TRPM7: variants seen among roughly 807,000 people sequenced by gnomAD.
TRPM7 encodes the protein LTRPC ion channel family member 7.
In TRPM7, 134 loss-of-function variants were observed where a neutral mutation model predicts 229.7. That is an observed-to-expected ratio of 0.58 (90% CI 0.51 to 0.67). The LOEUF (loss-of-function observed/expected upper bound fraction) is 0.67. TRPM7 is among the 30% of genes least tolerant of loss of function. The probability of loss-of-function intolerance (pLI) is 0.00; values close to 1 mark genes in which losing one functional copy is unlikely to be tolerated. For missense variants in TRPM7, 1,901 were observed against 2,210.0 expected, an observed-to-expected ratio of 0.86 and a Z score of 2.80; for synonymous variants, 699 against 715.2, an observed-to-expected ratio of 0.98 and a Z score of 0.36.
At position 50,634,386 on chromosome 15, in the gene TRPM7, C is replaced by T; in HGVS notation, c.1003G>A (p.Gly335Arg). 1 of 1,554,062 alleles carries T rather than the reference C, an allele frequency of 6.4e-7. No homozygotes were observed. Among genetic ancestry groups the T allele is most frequent in the Middle Eastern group, 1.7e-4 (1 of 5,860 alleles). ...LAYIHKQTEE[G>R]GNLPDAAEPD... ...AAAATGTTGTCATACACTTACCCTCCTTCTTCTGTTTGTTTATGAATATAC... is the reference window on the plus strand; with the variant it reads ...AAAATGTTGTCATACACTTACCCTCTTTCTTCTGTTTGTTTATGAATATAC... The change falls in exon 8 of 39, where the codon GGA (glycine) becomes AGA (arginine). Residue 335 changes from glycine (G) to arginine (R), a missense_variant. By Grantham distance (125) the Gly-to-Arg change is moderately radical. Transcript: ENST00000646667.
intron 26 of TRPM7, among the ~76,000 whole-genome samples, chr15:50,589,923 C>A (rs1396116787): frequency 1.3e-5 from 2 of 151,882 alleles, no homozygotes; most frequent in African/African-American, 4.8e-5. Context: ...AGTGGTGTGA[C>A]CTTGGCTCAC....
intron 1 of TRPM7, among the ~76,000 whole-genome samples, chr15:50,674,425 C>G (rs1026032836): frequency 6.6e-6 from 1 of 152,210 alleles, no homozygotes; most frequent in African/African-American, 2.4e-5. Context: ...AGCCGTGGCA[C>G]CCAGCCAGTG....
intron 1 of TRPM7, among the ~76,000 whole-genome samples, chr15:50,678,671 GTT>G (rs2062159883): frequency 6.6e-6 from 1 of 151,894 alleles, no homozygotes; most frequent in Non-Finnish European, 1.5e-5. Context: ...CCCTATGAGA[GTT>G]TTAAAGATAT....
At chr15:50,577,066 T>A (rs7178312) in intron 31 of TRPM7, among the ~76,000 whole-genome samples, 66 of 150,952 alleles carry the variant, frequency 4.4e-4, no homozygotes, top group African/African-American at 1.5e-3. Flanking sequence ...GAGCAAAGTC[T>A]GTGCCACTGC....
At chr15:50,679,538 A>ATATATATTTTTT (rs1400383980) in intron 1 of TRPM7, among the ~76,000 whole-genome samples, 2 of 43,904 alleles carry the variant, frequency 4.6e-5, no homozygotes, top group African/African-American at 2.1e-4. Context: ...ATATATATAT[A>ATATATATTTTTT]TTTTTTTTTT....
At chr15:50,572,239 T>C (rs186314145) in intron 36 of TRPM7, among the ~76,000 whole-genome samples, 212 of 152,300 alleles carry the variant, frequency 1.4e-3, no homozygotes, top group Admixed American at 2.4e-3. Context: ...TGAGTTGTGA[T>C]TGAGCTACTG....
intron 1 of TRPM7, among the ~76,000 whole-genome samples, chr15:50,679,234 C>T (rs1032744978): frequency 4.0e-5 from 6 of 150,996 alleles, no homozygotes; most frequent in African/African-American, 1.5e-4. Context: ...ACTTGGGAGG[C>T]TGAAGTGGCA....
At chr15:50,642,370 G>A (rs2061128432) in intron 5 of TRPM7, among the ~76,000 whole-genome samples, 1 of 152,144 alleles carries the variant, frequency 6.6e-6, no homozygotes, top group Non-Finnish European at 1.5e-5. Flanking sequence ...AATAGCCATA[G>A]ACAATATATA....
chr15:50,684,013 C>T (rs2062301206), intron 1 of TRPM7, among the ~76,000 whole-genome samples: 1 of 151,964 alleles, frequency 6.6e-6, no homozygotes, highest in Admixed American at 6.6e-5. Context: ...GTGCCCATCA[C>T]GACGCCCTGC....
chr15:50,686,665 C>T lies in TRPM7; in HGVS notation c.-132G>A, dbSNP rs1018398635. ...CCGGACAAGGAACGCCCAGGGAAAC[C>T]TTCTCAGAACTAACTCAGCTCCGGC... On this transcript the variant is annotated 5_prime_UTR_variant, in exon 1 of 39. Coordinates refer to ENST00000646667, the MANE Select transcript of TRPM7 (RefSeq NM_017672.6). The T allele has an allele frequency of 1.1e-5, 14 of 1,235,424 alleles. No homozygotes were observed. Among genetic ancestry groups the T allele is most frequent in the Non-Finnish European group, 1.6e-5 (14 of 893,916 alleles). The allele number at this position is 1,235,424 out of a possible 1,614,324, so 76.5% of individuals were successfully genotyped here. A position where few individuals can be genotyped will look rare whatever the true frequency, so the allele number is the denominator to read the frequency against.
chr15:50,649,951 T>A (rs895253591), intron 3 of TRPM7, among the ~76,000 whole-genome samples: 4 of 151,812 alleles, frequency 2.6e-5, no homozygotes, highest in African/African-American at 9.7e-5. Context: ...TCCCAGCACT[T>A]TGGGAGGCCG....
chr15:50,676,034 T>C (rs2062086576), intron 1 of TRPM7, among the ~76,000 whole-genome samples: 1 of 152,194 alleles, frequency 6.6e-6, no homozygotes, highest in African/African-American at 2.4e-5. Flanking sequence ...AACAAAATGA[T>C]CCATGTAAGT....
intron 1 of TRPM7, among the ~76,000 whole-genome samples, chr15:50,667,703 T>A (rs2061915428): frequency 1.3e-5 from 2 of 151,984 alleles, no homozygotes; most frequent in Admixed American, 6.6e-5. Flanking sequence ...GGAGACTCCA[T>A]CCCCCTCCAA....
chr15:50,630,429 AC>A (rs2060697605), intron 10 of TRPM7, among the ~76,000 whole-genome samples: 1 of 152,122 alleles, frequency 6.6e-6, no homozygotes, highest in South Asian at 2.1e-4. Context: ...CAGATGGGAT[AC>A]CGTCATAGTT....
intron 7 of TRPM7, 76 bp from the exon 8 acceptor site, chr15:50,634,632 A>G: frequency 6.5e-6 from 7 of 1,069,782 alleles, no homozygotes; most frequent in Non-Finnish European, 8.7e-6. Context: ...AAATTAGGCA[A>G]AATTCAGTAC....
chr15:50,588,433 AAT>A (rs958629677), intron 27 of TRPM7, among the ~76,000 whole-genome samples: 28 of 152,336 alleles, frequency 1.8e-4, no homozygotes, highest in African/African-American at 6.3e-4. Context: ...CTTTAATCAA[AAT>A]ATGATAATAA....
intron 27 of TRPM7, among the ~76,000 whole-genome samples, chr15:50,587,476 A>T (rs2059375590): frequency 6.8e-6 from 1 of 146,328 alleles, no homozygotes; most frequent in Non-Finnish European, 1.5e-5. Flanking sequence ...ATCAAAACAC[A>T]GCTACTGCTT....
At chr15:50,610,349 A>G (rs2060034594) in intron 17 of TRPM7, among the ~76,000 whole-genome samples, 1 of 152,120 alleles carries the variant, frequency 6.6e-6, no homozygotes, top group Admixed American at 6.6e-5. Flanking sequence ...TCTCTTTGCA[A>G]GTGTTCCATG....
chr15:50,585,039 CT>C (rs974843584), intron 28 of TRPM7, among the ~76,000 whole-genome samples: 1 of 143,104 alleles, frequency 7.0e-6, no homozygotes, highest in African/African-American at 2.7e-5. Context: ...CCACATCTAG[CT>C]AATTTTTGTA....
Sources: allele counts gnomAD v4.1 joint callset (sites outside exome capture counted in the v4.1 genomes callset), GRCh38; gene constraint gnomAD v4.1.1; transcripts MANE v1.5; gene names NCBI Gene and HGNC (gene_info 2026-07-23, HGNC 2026-07-21).